FSTL5: variants seen among roughly 807,000 people sequenced by gnomAD.
The protein encoded by FSTL5 is follistatin like 5.
FSTL5 carries 62 observed loss-of-function variants against 89.1 expected under a neutral mutation model. The ratio of observed to expected loss-of-function variants is 0.70; its 90% CI spans 0.57 to 0.86. The LOEUF is 0.86. Among genes scored for constraint, FSTL5 ranks in the 40% least tolerant of loss-of-function variants. FSTL5 has a pLI of 0.00. For missense variants in FSTL5, 1,057 were observed against 1,001.6 expected, an observed-to-expected ratio of 1.06 and a Z score of -0.75; for synonymous variants, 383 against 346.2, an observed-to-expected ratio of 1.11 and a Z score of -1.18.
intron 10 of FSTL5, among the ~76,000 whole-genome samples, chr4:161,522,808 C>A: frequency 6.6e-6 from 1 of 150,864 alleles, no homozygotes; most frequent in East Asian, 1.9e-4. Context: ...TAAGTGATTC[C>A]GAAATTATTT....
chr4:161,765,772 T>C (rs1740971241), intron 5 of FSTL5, among the ~76,000 whole-genome samples: 2 of 151,902 alleles, frequency 1.3e-5, no homozygotes, highest in South Asian at 2.1e-4. Context: ...TATGTTTATA[T>C]AAGGGAAGTA....
At chr4:161,846,177 T>A (rs572943520) in intron 4 of FSTL5, among the ~76,000 whole-genome samples, 1 of 152,308 alleles carries the variant, frequency 6.6e-6, no homozygotes, top group Non-Finnish European at 1.5e-5. Context: ...ATGTTATTAT[T>A]GTTTGGGTAA....
At chr4:161,769,479 T>C (rs1462837779) in intron 5 of FSTL5, among the ~76,000 whole-genome samples, 2 of 151,916 alleles carry the variant, frequency 1.3e-5, no homozygotes, top group South Asian at 2.1e-4. Flanking sequence ...CTTCAAAAGA[T>C]CATTCATCAT....
intron 2 of FSTL5, among the ~76,000 whole-genome samples, chr4:162,075,271 C>T (rs538023852): frequency 6.6e-6 from 1 of 151,920 alleles, no homozygotes; most frequent in Non-Finnish European, 1.5e-5. Flanking sequence ...CCCAAACTTC[C>T]TTTTCCTCAA....
rs143291513 is a variant in FSTL5, at chr4:161,902,963, A to G, written c.409+17441T>C. Among the ~76,000 whole-genome samples the G allele has an allele frequency of 4.7e-3, 720 of 152,284 alleles. 3 individuals are homozygous for G. Among genetic ancestry groups the G allele is most frequent in the African/African-American group, 0.017 (699 of 41,560 alleles). ...TGTTAACTTACCCACCAATATTAAG[A>G]TTTTCATAACTGCTTTTAGATGTTT... On this transcript the variant is annotated intron_variant, in intron 4 of 15. Transcript: ENST00000306100.
chr4:161,854,208 AT>A (rs1731648378), intron 4 of FSTL5, among the ~76,000 whole-genome samples: 2 of 152,230 alleles, frequency 1.3e-5, no homozygotes, highest in South Asian at 4.1e-4. Flanking sequence ...GATCGGGTAT[AT>A]TTTTCACTGA....
intron 6 of FSTL5, among the ~76,000 whole-genome samples, chr4:161,730,887 C>A (rs1291493237): frequency 6.6e-6 from 1 of 152,098 alleles, no homozygotes; most frequent in Non-Finnish European, 1.5e-5. Flanking sequence ...ATTCTTTTAT[C>A]AAAAGAGTGT....
At chr4:161,806,919 G>C (rs1405648147) in intron 4 of FSTL5, among the ~76,000 whole-genome samples, 1 of 151,988 alleles carries the variant, frequency 6.6e-6, no homozygotes, top group East Asian at 1.9e-4. Context: ...TACATAGATA[G>C]ATAGATAGAT....
At chr4:162,064,773 G>A (rs933275209) in intron 2 of FSTL5, among the ~76,000 whole-genome samples, 2 of 151,880 alleles carry the variant, frequency 1.3e-5, no homozygotes, top group Admixed American at 6.6e-5. Flanking sequence ...CTTGTTCATC[G>A]TATAACTGAA....
chr4:162,065,102 C>T (rs555097648), intron 2 of FSTL5, among the ~76,000 whole-genome samples: 2 of 151,994 alleles, frequency 1.3e-5, no homozygotes, highest in East Asian at 3.9e-4. Flanking sequence ...CAAAAATTAA[C>T]TTAACATGGA....
intron 13 of FSTL5, among the ~76,000 whole-genome samples, chr4:161,465,189 T>C (rs1028831804): frequency 6.6e-6 from 1 of 152,134 alleles, no homozygotes; most frequent in African/African-American, 2.4e-5. Context: ...AAATAAGATT[T>C]TTTTAAGATT....
At chr4:161,441,510 A>G (rs779634972) in intron 15 of FSTL5, among the ~76,000 whole-genome samples, 11 of 152,124 alleles carry the variant, frequency 7.2e-5, no homozygotes, top group Admixed American at 2.0e-4. Flanking sequence ...ACTAGGTTAA[A>G]GCTAAATAAA....
intron 12 of FSTL5, among the ~76,000 whole-genome samples, chr4:161,483,627 A>G (rs1729590354): frequency 6.6e-6 from 1 of 152,172 alleles, no homozygotes; most frequent in Admixed American, 6.5e-5. Context: ...TTCTGATTAT[A>G]TTATATTATT....
chr4:161,554,129 TATTTAC>T (rs1480420656), intron 8 of FSTL5, among the ~76,000 whole-genome samples: 1 of 151,520 alleles, frequency 6.6e-6, no homozygotes, highest in African/African-American at 2.4e-5. Context: ...AAATAAAGTA[TATTTAC>T]ATTTACACAG....
intron 7 of FSTL5, among the ~76,000 whole-genome samples, chr4:161,648,733 A>C (rs10010913): frequency 6.6e-6 from 1 of 151,924 alleles, no homozygotes; most frequent in Non-Finnish European, 1.5e-5. Context: ...CCTGTGACAC[A>C]TACAATCTAT....
intron 2 of FSTL5, among the ~76,000 whole-genome samples, chr4:162,073,841 T>C (rs1057184970): frequency 6.6e-6 from 1 of 151,784 alleles, no homozygotes; most frequent in African/African-American, 2.4e-5. Context: ...TCACAGGTGA[T>C]TCCCACAGCA....
rs139106803 is a variant in FSTL5 at position 161,453,715 on chromosome 4, C to G, written c.1841+1289G>C. ...GATCAAGCAATCCTCCCGCCTCATC[C>G]TCACGAGCAGCTGGGACTACAGACA... On this transcript the variant is annotated intron_variant, in intron 15 of 15. Transcript: ENST00000306100. Among the ~76,000 whole-genome samples the G allele has an allele frequency of 3.6e-3, 552 of 152,242 alleles. 3 individuals carry two copies. Among genetic ancestry groups the G allele is most frequent in the African/African-American group, 0.012 (502 of 41,540 alleles).
intron 4 of FSTL5, among the ~76,000 whole-genome samples, chr4:161,793,452 G>T (rs1209270282): frequency 1.3e-5 from 2 of 152,134 alleles, no homozygotes; most frequent in Non-Finnish European, 2.9e-5. Context: ...TGTAAATTCA[G>T]GATATATTAG....
At chr4:161,880,980 A>T (rs981852173) in intron 4 of FSTL5, among the ~76,000 whole-genome samples, 6 of 152,006 alleles carry the variant, frequency 3.9e-5, no homozygotes, top group African/African-American at 1.4e-4. Flanking sequence ...GCTGTTACAC[A>T]AATCTATACA....
Sources: gnomAD v4.1 joint callset for allele counts (sites outside exome capture counted in the v4.1 genomes callset) on GRCh38, gnomAD v4.1.1 for gene constraint, MANE v1.5 for transcripts, NCBI Gene and HGNC (gene_info 2026-07-23, HGNC 2026-07-21) for gene names.